The following KIAA1217 variants were observed in gnomAD, a reference collection of about 807,000 sequenced individuals.
The protein encoded by KIAA1217 is KIAA1217.
Under a neutral mutation model 163.9 loss-of-function variants are expected in KIAA1217, and 88 were observed. That is an observed-to-expected ratio of 0.54 (90% CI 0.45 to 0.64). KIAA1217 has a LOEUF of 0.64. Ranked by LOEUF, KIAA1217 falls within the 30% of genes least tolerant of loss-of-function variation. The pLI is 0.00. For synonymous variants in KIAA1217, 903 were observed against 923.1 expected, an observed-to-expected ratio of 0.98 and a Z score of 0.39; for missense variants, 2,372 against 2,475.0, an observed-to-expected ratio of 0.96 and a Z score of 0.88.
At position 23,810,191 on chromosome 10, in the gene KIAA1217, C is replaced by T. The variant is rs181580305; in HGVS notation, c.-321+114957C>T. On this transcript the variant is annotated intron_variant, in intron 1 of 18. Transcript: ENST00000376462. The stretch of plus-strand genomic sequence containing the variant: ...TTATCAATGTAACTCCATTGTAAGT[C>T]GAGCATTTATCCATCCATTCATCTA... Among the ~76,000 whole-genome samples, 492 of 151,320 alleles carry T rather than the reference C, an allele frequency of 3.3e-3. 2 individuals are homozygous for T. Among genetic ancestry groups the T allele is most frequent in the African/African-American group, 4.7e-3 (195 of 41,302 alleles).
At chr10:24,195,525 C>T (rs1456432576) in intron 2 of KIAA1217, among the ~76,000 whole-genome samples, 1 of 152,088 alleles carries the variant, frequency 6.6e-6, no homozygotes, top group Non-Finnish European at 1.5e-5. Context: ...TGGGGATAAG[C>T]GTTTCTGTTT....
intron 2 of KIAA1217, among the ~76,000 whole-genome samples, chr10:24,135,995 G>A (rs570856676): frequency 6.6e-6 from 1 of 152,256 alleles, no homozygotes; most frequent in South Asian, 2.1e-4. Flanking sequence ...TACCTAGTTT[G>A]GAGACAATTT....
intron 2 of KIAA1217, among the ~76,000 whole-genome samples, chr10:24,129,162 C>T (rs111833708): frequency 2.6e-5 from 4 of 152,078 alleles, no homozygotes; most frequent in Non-Finnish European, 4.4e-5. Flanking sequence ...TAGTTCTACC[C>T]GAAGGTTTTT....
intron 2 of KIAA1217, among the ~76,000 whole-genome samples, chr10:24,160,403 A>G (rs2065067747): frequency 6.6e-6 from 1 of 151,990 alleles, no homozygotes; most frequent in Admixed American, 6.6e-5. Flanking sequence ...TTTTTAAGCC[A>G]TGTTTTATAC....
chr10:24,524,366 G>C lies in KIAA1217; in HGVS notation c.2500G>C (p.Ala834Pro). Reference protein sequence around the residue: ...GLLKGTDAAQAAQYMAMEKAT... With the variant: ...GLLKGTDAAQPAQYMAMEKAT... ...CCTGAAAGGCACGGACGCAGCCCAA[G>C]CCGCACAGTACATGGCTATGGAAAA... The change falls in exon 13 of 21, where the codon GCC (alanine) becomes CCC (proline). Residue 834 changes from alanine to proline, a missense_variant. Physicochemically the swap from Ala to Pro is conservative, Grantham distance 27. Coordinates refer to ENST00000376454, the MANE Select transcript of KIAA1217 (RefSeq NM_019590.5). 6.2e-7 allele frequency: 1 copy of C among 1,614,058 alleles called. No individual in the cohort carries two copies. The highest frequency in any genetic ancestry group is 1.3e-5 in the African/African-American group (1 of 75,044).
intron 3 of KIAA1217, among the ~76,000 whole-genome samples, chr10:24,404,919 T>C (rs1172523150): frequency 6.6e-6 from 1 of 152,128 alleles, no homozygotes; most frequent in Non-Finnish European, 1.5e-5. Flanking sequence ...TACAAAACAT[T>C]GTTGAGATAA....
intron 3 of KIAA1217, among the ~76,000 whole-genome samples, chr10:24,410,160 C>T (rs1322728648): frequency 6.6e-6 from 1 of 151,878 alleles, no homozygotes; most frequent in Admixed American, 6.6e-5. Context: ...CCACGCCCAG[C>T]TAATTTTGTA....
At chr10:24,425,172 G>A (rs2059080003) in intron 3 of KIAA1217, among the ~76,000 whole-genome samples, 1 of 152,146 alleles carries the variant, frequency 6.6e-6, no homozygotes, top group South Asian at 2.1e-4. Flanking sequence ...TTAGATTTTA[G>A]TGCAGAAGTT....
intron 2 of KIAA1217, among the ~76,000 whole-genome samples, chr10:24,380,451 G>A (rs1248486145): frequency 6.6e-6 from 1 of 151,924 alleles, no homozygotes; most frequent in Non-Finnish European, 1.5e-5. Flanking sequence ...TCAAAGCCTG[G>A]CCATCATGGT....
At chr10:23,795,842 T>C (rs1836174309) in intron 1 of KIAA1217, among the ~76,000 whole-genome samples, 1 of 152,154 alleles carries the variant, frequency 6.6e-6, no homozygotes, top group Non-Finnish European at 1.5e-5. Flanking sequence ...ATAAAACAAC[T>C]CAAGAAGATA....
chr10:24,338,285 T>C (rs1591096748), intron 2 of KIAA1217, among the ~76,000 whole-genome samples: 1 of 152,206 alleles, frequency 6.6e-6, no homozygotes, highest in East Asian at 1.9e-4. Context: ...CCCATACATA[T>C]ATCTATGCAG....
At chr10:24,226,429 A>T (rs2070547860) in intron 2 of KIAA1217, among the ~76,000 whole-genome samples, 1 of 151,946 alleles carries the variant, frequency 6.6e-6, no homozygotes. Flanking sequence ...GATCGAGACC[A>T]TCCTGGCTAA....
At chr10:24,207,280 T>TCACA (rs1218257115), upstream of KIAA1217, among the ~76,000 whole-genome samples, 26 of 98,892 alleles carry the variant, frequency 2.6e-4, no homozygotes, top group South Asian at 2.8e-4. Flanking sequence ...TCTCTCTCTC[T>TCACA]CTCACACACA....
At chr10:24,495,124 G>T (rs966799613) in intron 7 of KIAA1217, 23 bp from the exon 8 acceptor site, 16 of 1,597,754 alleles carry the variant, frequency 1.0e-5, no homozygotes, top group African/African-American at 6.8e-5. Context: ...CTGCATAGCT[G>T]ACTCTCTTTT....
chr10:24,460,706 G>GT (rs2062312799), intron 5 of KIAA1217, among the ~76,000 whole-genome samples: 2 of 152,212 alleles, frequency 1.3e-5, no homozygotes, highest in South Asian at 4.1e-4. Flanking sequence ...TATGCTGTAT[G>GT]TTTTTTCTTT....
intron 1 of KIAA1217, among the ~76,000 whole-genome samples, chr10:23,980,532 G>T (rs1385336358): frequency 6.6e-6 from 1 of 152,120 alleles, no homozygotes; most frequent in Non-Finnish European, 1.5e-5. Context: ...CACCAGGAGA[G>T]TGTCCCTCGG....
chr10:23,794,215 G>A lies in KIAA1217; in HGVS notation c.-321+98981G>A, dbSNP rs16923864. Among the ~76,000 whole-genome samples, 1,073 of 152,250 alleles carry A rather than the reference G, an allele frequency of 7.0e-3. 17 individuals are homozygous for A. Among genetic ancestry groups the A allele is most frequent in the African/African-American group, 0.024 (988 of 41,548 alleles). ...GATGCTACTCCATGTCCCATTCTGA[G>A]ATGCTTACCTTTTGCTGATTTCACT... On this transcript the variant is annotated intron_variant, in intron 1 of 18. Transcript: ENST00000376462.
intron 10 of KIAA1217, among the ~76,000 whole-genome samples, chr10:24,517,517 C>A (rs1454231174): frequency 1.3e-5 from 2 of 152,144 alleles, no homozygotes; most frequent in African/African-American, 4.8e-5. Flanking sequence ...CCAGAAATTT[C>A]AACTCTGGAA....
intron 2 of KIAA1217, among the ~76,000 whole-genome samples, chr10:24,040,501 T>C (rs1305209465): frequency 6.6e-6 from 1 of 152,238 alleles, no homozygotes; most frequent in Non-Finnish European, 1.5e-5. Context: ...AATGAAAGCA[T>C]GGACTTTCTT....
Sources: gnomAD v4.1 joint callset for allele counts (sites outside exome capture counted in the v4.1 genomes callset) on GRCh38, gnomAD v4.1.1 for gene constraint, MANE v1.5 for transcripts, NCBI Gene and HGNC (gene_info 2026-07-23, HGNC 2026-07-21) for gene names.